The following CDIN1 variants were observed in gnomAD, a reference collection of about 807,000 sequenced individuals.
The protein encoded by CDIN1 is CDAN1-interacting nuclease 1.
A neutral mutation model predicts 45.3 loss-of-function variants in CDIN1; 33 were observed. The observed-to-expected ratio is 0.73, with a 90% CI of 0.55 to 0.97. The LOEUF (loss-of-function observed/expected upper bound fraction) is 0.97, where lower values mean the gene tolerates loss of function less well. CDIN1 is among the 50% of genes least tolerant of loss of function. The pLI is 0.00. For synonymous variants in CDIN1, 118 were observed against 124.4 expected (o/e 0.95, Z 0.34); for missense variants, 303 against 339.4 (o/e 0.89, Z 0.84).
At chr15:36,682,767 CAAAAAA>C (rs10706117) in intron 5 of CDIN1, among the ~76,000 whole-genome samples, 18 of 61,404 alleles carry the variant, frequency 2.9e-4, no homozygotes, top group Admixed American at 6.8e-4. Context: ...AAGACCCTGC[CAAAAAA>C]AAAAAAAAAA....
chr15:36,684,372 T>G (rs1236899729), intron 5 of CDIN1, among the ~76,000 whole-genome samples: 1 of 152,182 alleles, frequency 6.6e-6, no homozygotes, highest in Non-Finnish European at 1.5e-5. Context: ...TATGCTGGAT[T>G]ACATTTATTG....
chr15:36,664,798 G>A (rs138082051), intron 5 of CDIN1, among the ~76,000 whole-genome samples: 1,700 of 152,236 alleles, frequency 0.011, 28 homozygotes, highest in African/African-American at 0.039. Context: ...CGCCCGCCTT[G>A]GCCTCCCAAA....
chr15:36,745,404 T>C (rs1370948502), intron 10 of CDIN1, among the ~76,000 whole-genome samples: 1 of 152,184 alleles, frequency 6.6e-6, no homozygotes, highest in Non-Finnish European at 1.5e-5. Context: ...TATTACATTC[T>C]GAATAATCTA....
At chr15:36,777,559 G>C (rs1436925635) in intron 10 of CDIN1, among the ~76,000 whole-genome samples, 1 of 152,120 alleles carries the variant, frequency 6.6e-6, no homozygotes, top group African/African-American at 2.4e-5. Context: ...GACATTTATT[G>C]AGCCCCTACT....
At chr15:36,663,841 G>A (rs1258241736) in intron 5 of CDIN1, among the ~76,000 whole-genome samples, 3 of 152,170 alleles carry the variant, frequency 2.0e-5, no homozygotes, top group African/African-American at 7.2e-5. Context: ...AGCTCACTTT[G>A]TAATAGATCA....
intron 10 of CDIN1, among the ~76,000 whole-genome samples, chr15:36,770,444 T>G (rs12591823): frequency 0.23 from 33,300 of 145,392 alleles, 3,788 homozygotes; most frequent in African/African-American, 0.31. Flanking sequence ...TGATGATGAT[T>G]ATTATTATTA....
chr15:36,769,351 TA>T (rs1477206452), intron 10 of CDIN1, among the ~76,000 whole-genome samples: 1 of 152,156 alleles, frequency 6.6e-6, no homozygotes, highest in East Asian at 1.9e-4. Flanking sequence ...TCCTGAGTCC[TA>T]AATCTGTAGG....
At chr15:36,794,061 A>ATTTTTTT (rs71126238) in intron 10 of CDIN1, among the ~76,000 whole-genome samples, 3 of 121,300 alleles carry the variant, frequency 2.5e-5, no homozygotes, top group South Asian at 2.7e-4. Flanking sequence ...CATCATAACT[A>ATTTTTTT]TTTTTTTTTT....
At chr15:36,608,716 T>G (rs571478269) in intron 1 of CDIN1, among the ~76,000 whole-genome samples, 15 of 152,112 alleles carry the variant, frequency 9.9e-5, no homozygotes, top group Non-Finnish European at 1.9e-4. Context: ...CTGTAACCTT[T>G]CTATGAGGAG....
At chr15:36,633,678 G>A (rs1053256530) in intron 1 of CDIN1, among the ~76,000 whole-genome samples, 2 of 151,514 alleles carry the variant, frequency 1.3e-5, no homozygotes, top group South Asian at 4.2e-4. Flanking sequence ...GATTTTGGTA[G>A]CATTTTTATT....
intron 1 of CDIN1, among the ~76,000 whole-genome samples, chr15:36,593,027 G>A (rs2037654795): frequency 6.6e-6 from 1 of 152,074 alleles, no homozygotes; most frequent in Non-Finnish European, 1.5e-5. Flanking sequence ...AGTTTTTGGT[G>A]CCTTAGAGTC....
chr15:36,781,089 C>T (rs528316747), intron 10 of CDIN1, among the ~76,000 whole-genome samples: 1 of 152,196 alleles, frequency 6.6e-6, no homozygotes, highest in Admixed American at 6.5e-5. Context: ...GATAAATAAA[C>T]AAATTCCTCA....
intron 10 of CDIN1, among the ~76,000 whole-genome samples, chr15:36,720,997 G>C (rs2043395564): frequency 6.6e-6 from 1 of 152,176 alleles, no homozygotes; most frequent in African/African-American, 2.4e-5. Context: ...GTATCTCATT[G>C]TGGTTTTGAT....
chr15:36,760,142 A>T (rs4924097), intron 10 of CDIN1, among the ~76,000 whole-genome samples: 81,567 of 151,990 alleles, frequency 0.54, 22,787 homozygotes, highest in East Asian at 0.93. Flanking sequence ...TGCTTGCATT[A>T]TATGGCAATA....
chr15:36,634,313 C>G (rs1046970643), intron 1 of CDIN1, among the ~76,000 whole-genome samples: 1 of 115,578 alleles, frequency 8.7e-6, no homozygotes, highest in Non-Finnish European at 1.8e-5. Flanking sequence ...GCCTGAAACC[C>G]CAGCTATTTG....
intron 5 of CDIN1, among the ~76,000 whole-genome samples, chr15:36,680,233 C>T (rs1289753482): frequency 5.9e-5 from 9 of 152,156 alleles, no homozygotes; most frequent in Admixed American, 2.0e-4. Flanking sequence ...GGTGATTGCA[C>T]TCCCCATCCT....
At chr15:36,633,478 A>G (rs1289214764) in intron 1 of CDIN1, among the ~76,000 whole-genome samples, 2 of 152,168 alleles carry the variant, frequency 1.3e-5, no homozygotes, top group East Asian at 3.8e-4. Flanking sequence ...AATGGTGTTA[A>G]ATGTGAATGT....
intron 10 of CDIN1, among the ~76,000 whole-genome samples, chr15:36,807,262 G>T (rs2055260575): frequency 2.0e-5 from 3 of 152,134 alleles, no homozygotes; most frequent in Non-Finnish European, 4.4e-5. Flanking sequence ...GAAGGCAAAA[G>T]CTTTTTGGCC....
At chr15:36,736,272 GT>G (rs2044015474) in intron 10 of CDIN1, among the ~76,000 whole-genome samples, 1 of 152,062 alleles carries the variant, frequency 6.6e-6, no homozygotes, top group Admixed American at 6.5e-5. Flanking sequence ...CCTTTCCTCA[GT>G]TTTCCCTCTT....
Sources: gnomAD v4.1 joint callset for allele counts (sites outside exome capture counted in the v4.1 genomes callset) on GRCh38, gnomAD v4.1.1 for gene constraint, MANE v1.5 for transcripts, NCBI Gene and HGNC (gene_info 2026-07-23, HGNC 2026-07-21) for gene names.